The following ACSS3 variants were observed in gnomAD, a reference collection of about 807,000 sequenced individuals.
The protein encoded by ACSS3 is acyl-CoA synthetase short-chain family member 3, mitochondrial.
Under a neutral mutation model 84.2 loss-of-function variants are expected in ACSS3, and 64 were observed. The ratio of observed to expected loss-of-function variants is 0.76; its 90% CI spans 0.62 to 0.94. ACSS3 has a LOEUF of 0.94. Ranked by LOEUF, ACSS3 falls within the 40% of genes least tolerant of loss-of-function variation. The probability of loss-of-function intolerance (pLI) is 0.00; values close to 1 mark genes in which losing one functional copy is unlikely to be tolerated. For missense variants in ACSS3, 815 were observed against 867.6 expected (o/e 0.94, Z 0.76); for synonymous variants, 317 against 310.1 (o/e 1.02, Z -0.23).
chr12:81,196,472 C>G (rs2031834063), intron 8 of ACSS3, among the ~76,000 whole-genome samples: 2 of 151,548 alleles, frequency 1.3e-5, no homozygotes, highest in Admixed American at 1.3e-4. Flanking sequence ...CTAATTTGAC[C>G]TTATTCTTTT....
chr12:81,102,947 G>T (rs1441174174), intron 1 of ACSS3, among the ~76,000 whole-genome samples: 1 of 152,160 alleles, frequency 6.6e-6, no homozygotes, highest in Non-Finnish European at 1.5e-5. Context: ...AAAACAATTT[G>T]ATTATTCAAT....
intron 1 of ACSS3, among the ~76,000 whole-genome samples, chr12:81,095,770 T>G (rs1234219212): frequency 6.6e-6 from 1 of 152,184 alleles, no homozygotes; most frequent in African/African-American, 2.4e-5. Context: ...TGTTGTCCTT[T>G]CATGTCGAGA....
At chr12:81,191,255 T>C (rs1392450333) in intron 8 of ACSS3, among the ~76,000 whole-genome samples, 1 of 152,138 alleles carries the variant, frequency 6.6e-6, no homozygotes, top group Non-Finnish European at 1.5e-5. Context: ...GAAGTTTAAG[T>C]ATTGTGACAT....
At chr12:81,121,904 C>T (rs1315166671) in intron 2 of ACSS3, among the ~76,000 whole-genome samples, 2 of 137,888 alleles carry the variant, frequency 1.5e-5, no homozygotes. Flanking sequence ...TCAGATAATC[C>T]AGAGTATGCT....
At chr12:81,151,051 T>C (rs993553265) in intron 5 of ACSS3, among the ~76,000 whole-genome samples, 1 of 152,206 alleles carries the variant, frequency 6.6e-6, no homozygotes, top group Non-Finnish European at 1.5e-5. Flanking sequence ...TTTAAAACAA[T>C]AAATGAACTT....
At chr12:81,253,692 T>A (rs2400895) in intron 15 of ACSS3, 22 bp downstream of exon 15, 833,308 of 1,598,934 alleles carry the variant, frequency 0.52, 220,203 homozygotes, top group Non-Finnish European at 0.55. Flanking sequence ...AAGATATTTA[T>A]TCCTGGGTTC....
At chr12:81,195,488 T>C (rs1010165334) in intron 8 of ACSS3, among the ~76,000 whole-genome samples, 3 of 152,090 alleles carry the variant, frequency 2.0e-5, no homozygotes, top group Non-Finnish European at 4.4e-5. Context: ...GATGAGGTCA[T>C]TTTTGATCAT....
chr12:81,107,511 C>CACACATATATATATATAT (rs1403415163), intron 1 of ACSS3, among the ~76,000 whole-genome samples: 10 of 38,832 alleles, frequency 2.6e-4, no homozygotes, highest in East Asian at 1.1e-3. Context: ...CAAATATATA[C>CACACATATATATATATAT]ATATATATAT....
chr12:81,219,871 T>C, intron 10 of ACSS3, 142 bp from the exon 11 acceptor site: 1 of 439,552 alleles, frequency 2.3e-6, no homozygotes, highest in Non-Finnish European at 3.9e-6. Flanking sequence ...ATATTTTAGT[T>C]TATATTTGTT....
intron 7 of ACSS3, among the ~76,000 whole-genome samples, chr12:81,154,971 C>G (rs927678964): frequency 1.3e-5 from 2 of 152,166 alleles, no homozygotes; most frequent in Non-Finnish European, 2.9e-5. Flanking sequence ...TTTTCTCTCA[C>G]GTTCTTGGGC....
intron 1 of ACSS3, among the ~76,000 whole-genome samples, chr12:81,080,677 G>T (rs1448178497): frequency 6.6e-6 from 1 of 152,128 alleles, no homozygotes; most frequent in African/African-American, 2.4e-5. Context: ...CCTAAATGAA[G>T]ATAGTCCTGA....
intron 8 of ACSS3, among the ~76,000 whole-genome samples, chr12:81,190,969 T>A (rs1235478071): frequency 6.6e-6 from 1 of 152,076 alleles, no homozygotes; most frequent in Non-Finnish European, 1.5e-5. Flanking sequence ...TTATGCTTTT[T>A]AAATATAGCT....
Position 81,260,320 on chromosome 12 carries a change from A to G in ACSS3, c.*5398A>G, listed in dbSNP as rs922483871. ...CAATTAATGGTAAAAACTAGGAAAT[A>G]TGAACTAGAATGTCATGCACAAAAA... On this transcript the variant is annotated 3_prime_UTR_variant, in exon 16 of 16. Transcript: ENST00000548058. 3 of 152,220 alleles carry G rather than the reference A, an allele frequency of 2.0e-5. No homozygotes were observed. The highest frequency in any genetic ancestry group is 2.0e-4 in the Admixed American group (3 of 15,280). 9.4% of individuals were successfully genotyped at this position (152,220 alleles called of 1,614,324 possible). A position where few individuals can be genotyped will look rare whatever the true frequency, so the allele number is the denominator to read the frequency against.
In ACSS3 at chr12:81,257,472, T is replaced by A. The variant is rs1232730159; in HGVS notation, c.*2550T>A. The A allele has an allele frequency of 6.6e-6, 1 of 150,878 alleles. No homozygotes were observed. The highest frequency in any genetic ancestry group is 2.5e-5 in the African/African-American group (1 of 40,238). 9.3% of individuals were successfully genotyped at this position (150,878 alleles called of 1,614,324 possible). On this transcript the variant is annotated 3_prime_UTR_variant, in exon 16 of 16. Coordinates refer to ENST00000548058, the MANE Select transcript of ACSS3 (RefSeq NM_024560.4). ...ATAATATTACTAAAAAATGCAGACA[T>A]ACTTAAACTTGCTAGAATAAATTCT...
At chr12:81,115,723 A>G (rs1226634047) in intron 2 of ACSS3, among the ~76,000 whole-genome samples, 2 of 152,154 alleles carry the variant, frequency 1.3e-5, no homozygotes, top group East Asian at 1.9e-4. Flanking sequence ...TAAAGAGAAG[A>G]CCTTACCAAT....
chr12:81,199,764 ACCTTC>A, intron 9 of ACSS3: 1 of 1,059,856 alleles, frequency 9.4e-7, no homozygotes, highest in South Asian at 1.3e-5. Flanking sequence ...GGTTCATTCC[ACCTTC>A]AGTATTCCCC....
intron 3 of ACSS3, among the ~76,000 whole-genome samples, chr12:81,135,255 GATAA>G (rs1478066862): frequency 7.4e-6 from 1 of 135,302 alleles, no homozygotes; most frequent in Admixed American, 7.4e-5. Flanking sequence ...CTGAAGAGTG[GATAA>G]ATAAAATGTG....
At chr12:81,185,433 T>C (rs1189985810) in intron 8 of ACSS3, among the ~76,000 whole-genome samples, 1 of 151,614 alleles carries the variant, frequency 6.6e-6, no homozygotes, top group Non-Finnish European at 1.5e-5. Flanking sequence ...TTGTCCTATA[T>C]GCAAAAACCT....
chr12:81,144,771 T>A (rs1886245725), intron 5 of ACSS3, among the ~76,000 whole-genome samples: 1 of 151,996 alleles, frequency 6.6e-6, no homozygotes, highest in Non-Finnish European at 1.5e-5. Flanking sequence ...GAAGAAAAGG[T>A]TTTCAGAAAT....
Sources: gnomAD v4.1 joint callset for allele counts (sites outside exome capture counted in the v4.1 genomes callset) on GRCh38, gnomAD v4.1.1 for gene constraint, MANE v1.5 for transcripts, NCBI Gene and HGNC (gene_info 2026-07-23, HGNC 2026-07-21) for gene names.